The following PROSER1 variants were observed in gnomAD, a reference collection of about 807,000 sequenced individuals.
The protein encoded by PROSER1 is proline and serine rich 1, also known as proline and serine-rich protein 1.
Under a neutral mutation model 71.8 loss-of-function variants are expected in PROSER1, and 36 were observed. That is an observed-to-expected ratio of 0.50 (90% confidence interval 0.38 to 0.66). The LOEUF (loss-of-function observed/expected upper bound fraction) is 0.66, where lower values mean the gene tolerates loss of function less well. Ranked by LOEUF, PROSER1 falls within the 30% of genes least tolerant of loss-of-function variation. The probability of loss-of-function intolerance (pLI) is 0.00; values close to 1 mark genes in which losing one functional copy is unlikely to be tolerated. For synonymous variants in PROSER1, 490 were observed against 452.4 expected (o/e 1.08, Z -1.06); for missense variants, 1,107 against 1,135.0 (o/e 0.98, Z 0.35).
rs374708257 is a variant in PROSER1, at chr13:39,012,873, G to C, written c.2379C>G (p.Val793=). The change falls in exon 11 of 13, where the codon GTC becomes GTG. Residue 793 remains valine (V), a synonymous_variant. Transcript: ENST00000352251. ...SSNPSYPGFS[V]SNTPSVTPAL... ...CAGGGGTAACGCTTGGGGTATTAGA[G>C]ACAGAAAAGCCTGGATAGGAGGGAT... 9.5e-5 allele frequency: 154 copies of C among 1,614,188 alleles called. 2 individuals carry two copies. The highest frequency in any genetic ancestry group is 4.9e-4 in the Middle Eastern group (3 of 6,062).
At position 39,013,272 on chromosome 13, in the gene PROSER1, C is replaced by A. The variant is rs138493654; in HGVS notation, c.1980G>T (p.Leu660Phe). The A allele has an allele frequency of 3.1e-3, 5,065 of 1,614,134 alleles. 15 individuals are homozygous for A. Among genetic ancestry groups the A allele is most frequent in the Middle Eastern group, 4.5e-3 (27 of 6,062 alleles). ...GAGTACTCAAGCTGGAGAGACCTGA[C>A]AATGCAGGATTAAGGCAAGCAGATA... ...ISLSACLNPA[L>F]SGLSSLSTPL... Residue 660 changes from leucine (L) to phenylalanine (F), a missense_variant, in exon 11 of 13, where the codon TTG becomes TTT. Physicochemically the swap from Leu to Phe is conservative, Grantham distance 22. Coordinates refer to ENST00000352251, the MANE Select transcript of PROSER1 (RefSeq NM_025138.5).
chr13:39,029,308 T>C lies in PROSER1; in HGVS notation c.248A>G (p.Lys83Arg), dbSNP rs1177991676. 7 of 1,546,446 alleles carry C rather than the reference T, an allele frequency of 4.5e-6. No individual in the cohort carries two copies. The African/African-American group carries it at 7.1e-5, about 16-fold the overall frequency. Residue 83 changes from lysine to arginine, a missense_variant, in exon 4 of 13, where the codon AAA becomes AGA. By Grantham distance (26) the Lys-to-Arg change is conservative. Transcript: ENST00000352251. Reference sequence around the variant, plus strand: ...GGCTAACAGTTCAAGAGCAACTAGTTTGTCTTTACTGAAAGTGAAACAGTT... The same window carrying C: ...GGCTAACAGTTCAAGAGCAACTAGTCTGTCTTTACTGAAAGTGAAACAGTT... ...ILNCFTFSKD[K>R]LVALELLASN... is the part of the protein sequence containing the mutation.
intron 4 of PROSER1, among the ~76,000 whole-genome samples, chr13:39,028,773 T>C (rs1473260410): frequency 1.3e-5 from 2 of 152,168 alleles, no homozygotes; most frequent in Admixed American, 6.5e-5. Context: ...TCTTCAGTTA[T>C]GCAAAGGAGT....
At chr13:39,012,424 G>A (rs529020712) in intron 11 of PROSER1, 191 bp from the exon 12 acceptor site, 27 of 681,648 alleles carry the variant, frequency 4.0e-5, no homozygotes, top group South Asian at 1.4e-4. Context: ...TATATTATTC[G>A]AAATTCAGTA....
In PROSER1 at chr13:39,034,185, T is replaced by C. The variant is rs1405739170; in HGVS notation, c.57A>G (p.Thr19=). 6.3e-7 allele frequency: 1 copy of C among 1,587,510 alleles called. No individual in the cohort carries two copies. Among genetic ancestry groups the C allele is most frequent in the Non-Finnish European group, 8.5e-7 (1 of 1,170,394 alleles). Residue 19 remains threonine, a synonymous_variant, in exon 2 of 13, where the codon ACA becomes ACG. Transcript: ENST00000352251. ...VLDEIRKAVL[T]EYKLKAIEYV... ...ATTCAATTGCTTTTAATTTGTATTC[T>C]GTCAAAACAGCCTAAAAAAAAAAAA...
At chr13:39,023,213 C>A in intron 7 of PROSER1, 83 bp from the exon 8 acceptor site, 1 of 1,007,472 alleles carries the variant, frequency 9.9e-7, no homozygotes, top group South Asian at 1.3e-5. Context: ...AATATTTAGT[C>A]CTAATATGCT....
chr13:39,022,847 T>A (rs1156628069), intron 8 of PROSER1: 5 of 460,552 alleles, frequency 1.1e-5, no homozygotes. Context: ...CTAATTAATT[T>A]ATCATAAAGA....
intron 7 of PROSER1, chr13:39,023,681 C>T (rs926778578): frequency 6.6e-6 from 1 of 152,482 alleles, no homozygotes; most frequent in African/African-American, 2.4e-5. Context: ...GTTGTTCTGC[C>T]TTTTGAAATC....
intron 7 of PROSER1, chr13:39,023,594 A>T (rs919166729): frequency 1.9e-5 from 3 of 154,124 alleles, no homozygotes; most frequent in Non-Finnish European, 4.3e-5. Context: ...AGAAGAAAAA[A>T]GCACTGTTTG....
At chr13:39,031,800 C>T (rs749776108) in intron 2 of PROSER1, 169 bp from the exon 3 acceptor site, 11 of 545,834 alleles carry the variant, frequency 2.0e-5, no homozygotes, top group African/African-American at 3.9e-5. Context: ...TAGTTATATA[C>T]ATTTAAATAA....
At chr13:39,012,315 A>C in intron 11 of PROSER1, 82 bp from the exon 12 acceptor site, 1 of 1,423,614 alleles carries the variant, frequency 7.0e-7, no homozygotes. Context: ...ATACAATCTT[A>C]AAATGTTAAA....
At chr13:39,023,176 G>A in intron 7 of PROSER1, 46 bp from the exon 8 acceptor site, 1 of 1,432,316 alleles carries the variant, frequency 7.0e-7, no homozygotes. Flanking sequence ...AATCAAGTAA[G>A]CTGTCTCCTG....
chr13:39,011,432 C>T lies in PROSER1; in HGVS notation c.2768G>A (p.Ser923Asn). The stretch of plus-strand genomic sequence containing the variant: ...TGGTGTTCCTGGCGCTGAAGGATAA[C>T]TAGGAAACCCATCAGGCTGAGCTGG... ...SYPAQPDGFP[S>N]YPSAPGTPFS... Residue 923 changes from serine (S) to asparagine (N), a missense_variant, in exon 13 of 13, where the codon AGT becomes AAT. By Grantham distance (46) the Ser-to-Asn change is conservative (BLOSUM62 1). Coordinates refer to ENST00000352251, the MANE Select transcript of PROSER1 (RefSeq NM_025138.5). 1.2e-6 allele frequency: 2 copies of T among 1,614,122 alleles called. No individual in the cohort carries two copies. The highest frequency in any genetic ancestry group is 1.7e-6 in the Non-Finnish European group (2 of 1,179,984).
At position 39,013,611 on chromosome 13, in the gene PROSER1, G is replaced by A. The variant is rs749396634; in HGVS notation, c.1641C>T (p.Asn547=). 1 of 1,614,074 alleles carries A rather than the reference G, an allele frequency of 6.2e-7. No individual in the cohort carries two copies. The highest frequency in any genetic ancestry group is 2.2e-5 in the East Asian group (1 of 44,892). The change falls in exon 11 of 13, where the codon AAC becomes AAT. Residue 547 remains asparagine (N), a synonymous_variant. Coordinates refer to ENST00000352251, the MANE Select transcript of PROSER1 (RefSeq NM_025138.5). ...GCAATGTCAGGGGAGTGGAAGTTGA[G>A]TTAGCCACGGGAGACGGCAGGCCTG... ...LFPGLPSPVA[N]STSTPLTLPV... is the part of the protein sequence containing the mutation.
At chr13:39,029,821 AG>A (rs34183618) in intron 3 of PROSER1, among the ~76,000 whole-genome samples, 11,190 of 152,262 alleles carry the variant, frequency 0.073, 454 homozygotes, top group South Asian at 0.13. Flanking sequence ...TTACAAAAAA[AG>A]GTTACACTAG....
chr13:39,025,819 T>C lies in PROSER1; in HGVS notation c.480+458A>G, dbSNP rs139735956. ...GGGTTGTTATGCAGCTACAGAAATA[T>C]AACATTCTTTGAGAAAGCTGTTTTA... On this transcript the variant is annotated intron_variant, in intron 6 of 12. Transcript: ENST00000352251. Among the ~76,000 whole-genome samples the C allele has an allele frequency of 1.7e-3, 265 of 152,306 alleles. 4 individuals carry two copies. Among genetic ancestry groups the C allele is most frequent in the East Asian group, 0.017 (89 of 5,180 alleles).
chr13:39,030,712 CCA>C (rs1455794531), intron 3 of PROSER1, among the ~76,000 whole-genome samples: 1 of 152,072 alleles, frequency 6.6e-6, no homozygotes, highest in Non-Finnish European at 1.5e-5. Flanking sequence ...ACAGGCTTGG[CCA>C]CCACCCCAAG....
chr13:39,020,847 G>A (rs887008350), intron 9 of PROSER1, among the ~76,000 whole-genome samples: 6 of 152,148 alleles, frequency 3.9e-5, no homozygotes, highest in Admixed American at 6.5e-5. Flanking sequence ...ACTGAAAAAG[G>A]TTGGCCTGGC....
At chr13:39,025,944 T>TATGCA (rs1421481784) in intron 6 of PROSER1, among the ~76,000 whole-genome samples, 3 of 152,192 alleles carry the variant, frequency 2.0e-5, no homozygotes, top group Non-Finnish European at 4.4e-5. Context: ...GGAAACACTG[T>TATGCA]ATGCAAAGTT....
Sources: gnomAD v4.1 joint callset for allele counts (sites outside exome capture counted in the v4.1 genomes callset) on GRCh38, gnomAD v4.1.1 for gene constraint, MANE v1.5 for transcripts, NCBI Gene and HGNC (gene_info 2026-07-23, HGNC 2026-07-21) for gene names.